KIF7: variants seen among roughly 807,000 people sequenced by gnomAD.
The protein encoded by KIF7 is kinesin family member 7, also known as kinesin-like protein KIF7.
In KIF7, 104 loss-of-function variants were observed where a neutral mutation model predicts 135.7. The observed-to-expected ratio is 0.77, with a 90% CI of 0.65 to 0.90. The LOEUF is 0.90. Among genes scored for constraint, KIF7 ranks in the 40% least tolerant of loss-of-function variants. The probability of loss-of-function intolerance (pLI) is 0.00; values close to 1 mark genes in which losing one functional copy is unlikely to be tolerated. For missense variants in KIF7, 2,005 were observed against 1,839.1 expected, an observed-to-expected ratio of 1.09 and a Z score of -1.65; for synonymous variants, 883 against 809.4, an observed-to-expected ratio of 1.09 and a Z score of -1.54.
intron 7 of KIF7, 68 bp from the exon 8 acceptor site, chr15:89,646,094 C>T (rs775126833): frequency 1.1e-4 from 169 of 1,582,792 alleles, no homozygotes; most frequent in Non-Finnish European, 6.9e-5. Context: ...TGCCTGCCCT[C>T]CTCATATCTC....
At chr15:89,624,679 A>G (rs1347337509), downstream of KIF7, 1 of 1,614,082 alleles carries the variant, frequency 6.2e-7, no homozygotes, top group Admixed American at 1.7e-5. Flanking sequence ...TCCTCTGCTC[A>G]TTACAAGTGA....
rs76443582 is a variant in KIF7 at position 89,621,912 on chromosome 15, G to A, written c.181-3717C>T. 1.1e-4 allele frequency among the ~76,000 whole-genome samples: 16 copies of A among 150,410 alleles called. No homozygotes were observed. The East Asian group carries it at 2.7e-3, about 26-fold the overall frequency. ...AGTCACCAACATTAGAAACCTGGGA[G>A]TCATCCTTTTCCCTCTCCCCAGGCA... On this transcript the variant is annotated intron_variant and NMD_transcript_variant, in intron 1 of 2. Coordinates refer to the KIF7 transcript ENST00000558928.
At chr15:89,625,278 C>T, downstream of KIF7, 1 of 1,613,966 alleles carries the variant, frequency 6.2e-7, no homozygotes, top group Non-Finnish European at 8.5e-7. Context: ...CTTCTAGTAC[C>T]CCCTCTCCAT....
At chr15:89,633,585 C>T (rs944638107) in intron 12 of KIF7, 101 bp downstream of exon 12, 14 of 1,275,222 alleles carry the variant, frequency 1.1e-5, no homozygotes, top group South Asian at 6.3e-5. Flanking sequence ...TCTAAGGTCA[C>T]GTGGCTGTGG....
chr15:89,635,530 G>C (rs1387948974), intron 11 of KIF7, among the ~76,000 whole-genome samples: 2 of 152,234 alleles, frequency 1.3e-5, no homozygotes, highest in East Asian at 3.8e-4. Flanking sequence ...CGTGAAGAAT[G>C]CAGAAGCCTC....
At chr15:89,620,182 G>A (rs1275651745) in intron 1 of KIF7, among the ~76,000 whole-genome samples, 1 of 152,252 alleles carries the variant, frequency 6.6e-6, no homozygotes, top group South Asian at 2.1e-4. Context: ...TTCTATCCAT[G>A]GTTAGCTTGC....
In KIF7 at chr15:89,647,543, C is replaced by G. The variant is rs537267472; in HGVS notation, c.1560+53G>C. The G allele has an allele frequency of 3.4e-4, 504 of 1,490,538 alleles. 8 individuals are homozygous for G. In the South Asian group the frequency reaches 5.4e-3, roughly 16 times the overall value. The allele number at this position is 1,490,538 out of a possible 1,614,324, so 92.3% of individuals were successfully genotyped here. On this transcript the variant is annotated intron_variant, in intron 6 of 18. Coordinates refer to ENST00000394412, the MANE Select transcript of KIF7 (RefSeq NM_198525.3). ...ATCCTGAGAAACTCAGCTCTGCCTT[C>G]CCTTCATCCTCCTCTGGGAAGCCTT...
At chr15:89,623,507 T>G, downstream of KIF7, 1 of 1,094,194 alleles carries the variant, frequency 9.1e-7, no homozygotes, top group Non-Finnish European at 1.3e-6. Flanking sequence ...TTTCCATCTT[T>G]AGATCATTCC....
intron 9 of KIF7, 61 bp downstream of exon 9, chr15:89,645,275 T>C: frequency 6.2e-7 from 1 of 1,600,032 alleles, no homozygotes; most frequent in South Asian, 1.1e-5. Flanking sequence ...CCAAGGTGGC[T>C]GGCCCAGAAC....
Position 89,649,185 on chromosome 15 carries a change from G to A in KIF7, c.712C>T (p.Pro238Ser), listed in dbSNP as rs1378146452. ...GAGACGAGCAGCTGGCCCGGGGCGG[G>A]GCGGGGTAGGCGGCTGGGGGCGCGC... ...RGRAPSRLPR[P>S]APGQLLVSKF... Residue 238 changes from proline to serine, a missense_variant, in exon 4 of 19, where the codon CCC becomes TCC. Transcript: ENST00000394412. 1.9e-6 allele frequency: 3 copies of A among 1,546,582 alleles called. No homozygotes were observed. The highest frequency in any genetic ancestry group is 4.9e-5 in the East Asian group (2 of 40,860).
Position 89,633,741 on chromosome 15 carries a change from G to C in KIF7, c.2537C>G (p.Thr846Arg). 1.9e-6 allele frequency: 3 copies of C among 1,609,218 alleles called. No homozygotes were observed. Among genetic ancestry groups the C allele is most frequent in the Non-Finnish European group, 2.5e-6 (3 of 1,179,886 alleles). The stretch of plus-strand genomic sequence containing the variant: ...TGCCTCCAGGCGCCGCTTCTGCTCC[G>C]TCTCCTCGCGAAGCCGCCTCTGCAG... ...GQLQRRLREE[T>R]EQKRRLEAEM... The change falls in exon 12 of 19, where the codon ACG (threonine) becomes AGG (arginine). Residue 846 changes from threonine (T) to arginine (R), a missense_variant. By Grantham distance (71) the Thr-to-Arg change is moderately conservative. Transcript: ENST00000394412.
chr15:89,646,069 C>T (rs759911506), intron 7 of KIF7, 43 bp from the exon 8 acceptor site: 36 of 1,611,322 alleles, frequency 2.2e-5, no homozygotes, highest in Non-Finnish European at 2.8e-5. Context: ...ATCATCCCTG[C>T]GATATACCCC....
At chr15:89,647,089 A>G (rs199510000) in intron 6 of KIF7, 32 bp from the exon 7 acceptor site, 973 of 1,535,352 alleles carry the variant, frequency 6.3e-4, no homozygotes, top group Non-Finnish European at 7.9e-4. Context: ...CCAAGGGGGC[A>G]TGAATGCCCC....
At chr15:89,636,392 T>G (rs1371012130) in intron 11 of KIF7, among the ~76,000 whole-genome samples, 2 of 132,672 alleles carry the variant, frequency 1.5e-5, no homozygotes, top group Non-Finnish European at 3.2e-5. Context: ...GCAAATTGGA[T>G]AAAGAGTCAA....
At chr15:89,636,963 A>T (rs1164462995) in intron 11 of KIF7, among the ~76,000 whole-genome samples, 1 of 109,680 alleles carries the variant, frequency 9.1e-6, no homozygotes, top group Admixed American at 9.8e-5. Context: ...AAAGAACAGA[A>T]ATTATAACAA....
chr15:89,644,970 A>G (rs757559212), intron 10 of KIF7, 43 bp downstream of exon 10: 15 of 1,602,922 alleles, frequency 9.4e-6, no homozygotes, highest in African/African-American at 2.7e-5. Context: ...AACGATGAGA[A>G]GTCCCCCTCG....
chr15:89,624,011 C>T (rs1455471028), downstream of KIF7: 1 of 1,614,012 alleles, frequency 6.2e-7, no homozygotes, highest in Non-Finnish European at 8.5e-7. Flanking sequence ...TCATCGACTG[C>T]CCAGCCCAGG....
chr15:89,648,403 A>G lies in KIF7; in HGVS notation c.1295T>C (p.Leu432Pro). Residue 432 changes from leucine (L) to proline (P), a missense_variant, in exon 5 of 19, where the codon CTG becomes CCG. Leu to Pro is a moderately conservative substitution (Grantham distance 98, BLOSUM62 -3). Coordinates refer to ENST00000394412, the MANE Select transcript of KIF7 (RefSeq NM_198525.3). Reference protein sequence around the residue: ...LLRELQAEPGLPGAAARKVRD... With the variant: ...LLRELQAEPGPPGAAARKVRD... The stretch of plus-strand genomic sequence containing the variant: ...CACCTTGCGGGCGGCGGCGCCGGGC[A>G]GCCCGGGCTCGGCCTGCAGCTCGCG... 1 of 1,147,170 alleles carries G rather than the reference A, an allele frequency of 8.7e-7. No individual in the cohort carries two copies. Among genetic ancestry groups the G allele is most frequent in the Non-Finnish European group, 1.1e-6 (1 of 933,364 alleles). 71.1% of individuals were successfully genotyped at this position (1,147,170 alleles called of 1,614,324 possible). A position where few individuals can be genotyped will look rare whatever the true frequency, so the allele number is the denominator to read the frequency against.
In KIF7 at chr15:89,630,324, G is replaced by A; in HGVS notation, c.3281C>T (p.Ser1094Leu). 1 of 1,614,178 alleles carries A rather than the reference G, an allele frequency of 6.2e-7. No individual in the cohort carries two copies. The highest frequency in any genetic ancestry group is 8.5e-7 in the Non-Finnish European group (1 of 1,180,038). The change falls in exon 16 of 19, where the codon TCA (serine) becomes TTA (leucine). Residue 1094 changes from serine to leucine, a missense_variant. By Grantham distance (145) the Ser-to-Leu change is moderately radical. Coordinates refer to ENST00000394412, the MANE Select transcript of KIF7 (RefSeq NM_198525.3). ...LMAKLSYLSSSETRALLCKYF... is the reference protein window; with the variant it reads ...LMAKLSYLSSLETRALLCKYF... ...CTTGCAGAGGAGGGCTCTGGTCTCT[G>A]AGGATGAGAGGTAGCTGAGCTTGGC...
Sources: allele counts gnomAD v4.1 joint callset (sites outside exome capture counted in the v4.1 genomes callset), GRCh38; gene constraint gnomAD v4.1.1; transcripts MANE v1.5; gene names NCBI Gene and HGNC (gene_info 2026-07-23, HGNC 2026-07-21).